DNAJC1: variants seen among roughly 807,000 people sequenced by gnomAD.
The protein encoded by DNAJC1 is DnaJ heat shock protein family (Hsp40) member C1.
Under a neutral mutation model 76.6 loss-of-function variants are expected in DNAJC1, and 58 were observed. The observed-to-expected ratio is 0.76, with a 90% CI of 0.61 to 0.94. DNAJC1 has a LOEUF of 0.94. Ranked by LOEUF, DNAJC1 falls within the 40% of genes least tolerant of loss-of-function variation. The pLI is 0.00. For synonymous variants in DNAJC1, 258 were observed against 267.9 expected (o/e 0.96, Z 0.36); for missense variants, 689 against 677.3 (o/e 1.02, Z -0.19).
chr10:21,888,586 C>G (rs142107803), intron 7 of DNAJC1, among the ~76,000 whole-genome samples: 1 of 152,144 alleles, frequency 6.6e-6, no homozygotes, highest in African/African-American at 2.4e-5. Context: ...CCATGGAATA[C>G]TATGCAGCCA....
At chr10:21,945,845 A>G (rs1485062728) in intron 1 of DNAJC1, among the ~76,000 whole-genome samples, 2 of 152,120 alleles carry the variant, frequency 1.3e-5, no homozygotes, top group African/African-American at 2.4e-5. Flanking sequence ...AGTTTGTACA[A>G]TTTTGCCCAG....
At chr10:21,944,093 C>G (rs1837465370) in intron 1 of DNAJC1, among the ~76,000 whole-genome samples, 1 of 151,864 alleles carries the variant, frequency 6.6e-6, no homozygotes. Context: ...TAGCTTTCAA[C>G]ACTATGCAAA....
At chr10:21,827,569 C>T (rs1276400528) in intron 8 of DNAJC1, among the ~76,000 whole-genome samples, 6 of 152,292 alleles carry the variant, frequency 3.9e-5, no homozygotes, top group African/African-American at 1.4e-4. Context: ...GTCAGCAATC[C>T]TTGGTGTTCT....
intron 7 of DNAJC1, among the ~76,000 whole-genome samples, chr10:21,899,957 G>A (rs1188722158): frequency 1.3e-5 from 2 of 152,158 alleles, no homozygotes; most frequent in African/African-American, 4.8e-5. Context: ...AGTGATTGGT[G>A]AGTGAATGTG....
Position 21,919,940 on chromosome 10 carries a change from A to G in DNAJC1, c.538-11T>C. 1 of 1,536,544 alleles carries G rather than the reference A, an allele frequency of 6.5e-7. No individual in the cohort carries two copies. On this transcript the variant is annotated splice_polypyrimidine_tract_variant and intron_variant, in intron 4 of 11. Coordinates refer to ENST00000376980, the MANE Select transcript of DNAJC1 (RefSeq NM_022365.4). Reference sequence around the variant, plus strand: ...ACTTAGTAGTTCATCCTTAATGTGGAAAGAATTATGGTTACAGGTTATCAT... The same window carrying G: ...ACTTAGTAGTTCATCCTTAATGTGGGAAGAATTATGGTTACAGGTTATCAT...
chr10:21,803,700 T>G, intron 9 of DNAJC1: 4 of 404,908 alleles, frequency 9.9e-6, no homozygotes, highest in Non-Finnish European at 1.0e-5. Context: ...AGTCCAGCCA[T>G]GGAGATGATG....
intron 9 of DNAJC1, among the ~76,000 whole-genome samples, chr10:21,805,572 T>G (rs114097853): frequency 0.011 from 1,609 of 152,146 alleles, 27 homozygotes; most frequent in African/African-American, 0.037. Context: ...TATTGCTCAT[T>G]TAATTAATCA....
intron 11 of DNAJC1, among the ~76,000 whole-genome samples, chr10:21,758,549 G>A (rs1230124387): frequency 6.6e-6 from 1 of 152,212 alleles, no homozygotes; most frequent in African/African-American, 2.4e-5. Context: ...AACTACAAAC[G>A]GCCACGGCCG....
chr10:21,853,655 G>A (rs1057221671), intron 8 of DNAJC1, among the ~76,000 whole-genome samples: 5 of 151,686 alleles, frequency 3.3e-5, no homozygotes, highest in African/African-American at 4.8e-5. Flanking sequence ...TTAGCTGGGC[G>A]TGGTGGTGCA....
intron 3 of DNAJC1, among the ~76,000 whole-genome samples, chr10:21,924,940 C>G (rs1184788924): frequency 6.6e-6 from 1 of 152,138 alleles, no homozygotes; most frequent in African/African-American, 2.4e-5. Flanking sequence ...AGAAAAGGTA[C>G]AGTAAAAATA....
intron 7 of DNAJC1, among the ~76,000 whole-genome samples, chr10:21,886,763 A>C (rs1564817623): frequency 6.6e-6 from 1 of 152,094 alleles, no homozygotes. Flanking sequence ...GCTTTCAATA[A>C]AATTCAACAC....
intron 8 of DNAJC1, among the ~76,000 whole-genome samples, chr10:21,813,389 G>A (rs1243429738): frequency 1.1e-5 from 1 of 89,544 alleles, no homozygotes; most frequent in African/African-American, 6.2e-5. Flanking sequence ...AGGGCAAACA[G>A]TCTTTTTTTT....
intron 8 of DNAJC1, among the ~76,000 whole-genome samples, chr10:21,856,056 T>C (rs1006410617): frequency 2.5e-4 from 38 of 152,204 alleles, no homozygotes; most frequent in African/African-American, 8.7e-4. Flanking sequence ...ATATTAGAGA[T>C]AGTTACAGAG....
At chr10:21,878,936 G>A (rs568449054) in intron 8 of DNAJC1, among the ~76,000 whole-genome samples, 1 of 152,060 alleles carries the variant, frequency 6.6e-6, no homozygotes, top group African/African-American at 2.4e-5. Flanking sequence ...TATTTATAAA[G>A]TATTATACAG....
At chr10:21,901,187 T>G (rs1425024671) in intron 7 of DNAJC1, among the ~76,000 whole-genome samples, 1 of 152,226 alleles carries the variant, frequency 6.6e-6, no homozygotes, top group Non-Finnish European at 1.5e-5. Flanking sequence ...TACTTGGCAG[T>G]AGAGTTTTGA....
intron 8 of DNAJC1, among the ~76,000 whole-genome samples, chr10:21,873,552 C>T (rs1836138719): frequency 6.6e-6 from 1 of 152,042 alleles, no homozygotes; most frequent in African/African-American, 2.4e-5. Flanking sequence ...TCAAGATATT[C>T]TCAGTAAAAT....
At chr10:21,939,242 G>A (rs1293920575) in intron 1 of DNAJC1, among the ~76,000 whole-genome samples, 5 of 152,128 alleles carry the variant, frequency 3.3e-5, no homozygotes, top group African/African-American at 1.2e-4. Flanking sequence ...AAAAGACTCA[G>A]GGGTATTAAA....
At chr10:21,910,829 A>AAGGAGAGGAGAGGAGAGGAGAGGAG (rs71393924) in intron 6 of DNAJC1, among the ~76,000 whole-genome samples, 3 of 48,924 alleles carry the variant, frequency 6.1e-5, no homozygotes, top group African/African-American at 3.8e-4. Context: ...GAAAGAAAGG[A>AAGGAGAGGAGAGGAGAGGAGAGGAG]AGGAGAGGAG....
intron 8 of DNAJC1, among the ~76,000 whole-genome samples, chr10:21,871,358 A>C (rs1461636819): frequency 1.3e-5 from 2 of 150,534 alleles, no homozygotes; most frequent in Non-Finnish European, 3.0e-5. Flanking sequence ...AAAAAAAAAA[A>C]GGTTAAGGCA....
Sources: allele counts gnomAD v4.1 joint callset (sites outside exome capture counted in the v4.1 genomes callset), GRCh38; gene constraint gnomAD v4.1.1; transcripts MANE v1.5; gene names NCBI Gene and HGNC (gene_info 2026-07-23, HGNC 2026-07-21).